Variants in SMARCA2 observed in about 807,000 individuals in gnomAD.
The protein encoded by SMARCA2 is SWI/SNF-related matrix-associated actin-dependent regulator of chromatin subfamily A member 2.
A neutral mutation model predicts 199.8 loss-of-function variants in SMARCA2; 61 were observed. The observed-to-expected ratio is 0.31, with a 90% CI of 0.25 to 0.38. The LOEUF (loss-of-function observed/expected upper bound fraction) is 0.38. Ranked by LOEUF, SMARCA2 falls within the 10% of genes least tolerant of loss-of-function variation. SMARCA2 has a pLI of 1.00. For synonymous variants in SMARCA2, 935 were observed against 732.0 expected, an observed-to-expected ratio of 1.28 and a Z score of -4.48; for missense variants, 1,344 against 2,012.2, an observed-to-expected ratio of 0.67 and a Z score of 6.35.
In SMARCA2 at chr9:2,171,457, TTTATAC is replaced by T. The variant is rs140538815; in HGVS notation, c.4253+996_4253+1001del. 1.4e-3 allele frequency among the ~76,000 whole-genome samples: 207 copies of T among 152,318 alleles called. 3 individuals carry two copies. In the East Asian group the frequency reaches 0.014, roughly 10 times the overall value. Reference sequence around the variant, plus strand: ...TAAGGAGATTAAAAACTAGTGGTGATTTATACTTATACTTATCCATTTTTGTGTGGA... The same window carrying T: ...TAAGGAGATTAAAAACTAGTGGTGATTTATACTTATCCATTTTTGTGTGGA... On this transcript the variant is annotated intron_variant, in intron 29 of 33. Coordinates refer to ENST00000349721, the MANE Select transcript of SMARCA2 (RefSeq NM_003070.5).
rs1826093504 is a variant in SMARCA2 at position 2,169,058 on chromosome 9, A to G, written c.4200-1361A>G. 6.6e-6 allele frequency among the ~76,000 whole-genome samples: 1 copy of G among 152,176 alleles called. No individual in the cohort carries two copies. Among genetic ancestry groups the G allele is most frequent in the Non-Finnish European group, 1.5e-5 (1 of 68,014 alleles). ...CCTTGGTCAGCACCATCATTAGCCCAAGGTCCTAAAAGTGAAATAATGAAG... is the reference window on the plus strand; with the variant it reads ...CCTTGGTCAGCACCATCATTAGCCCGAGGTCCTAAAAGTGAAATAATGAAG... On this transcript the variant is annotated intron_variant, in intron 28 of 33. Coordinates refer to ENST00000349721, the MANE Select transcript of SMARCA2 (RefSeq NM_003070.5). This position sits in a 1 kb window ranked among gnomAD's most constrained non-coding sequence, Gnocchi z 6.5.
chr9:2,192,477 A>AGCTT, intron 33 of SMARCA2: 1 of 563,224 alleles, frequency 1.8e-6, no homozygotes. Flanking sequence ...CACAAACAAT[A>AGCTT]GCTTAGAGGG....
chr9:2,047,081 T>G, intron 4 of SMARCA2, 148 bp from the exon 5 acceptor site: 1 of 473,726 alleles, frequency 2.1e-6, no homozygotes, highest in Non-Finnish European at 2.7e-6. Context: ...CTTCTTGCCC[T>G]CCTTTTTTTT....
At chr9:2,140,383 C>G (rs1824404398) in intron 27 of SMARCA2, among the ~76,000 whole-genome samples, 1 of 152,190 alleles carries the variant, frequency 6.6e-6, no homozygotes, top group Non-Finnish European at 1.5e-5. Context: ...ACTACCGTGT[C>G]AGCATTCCAG....
At chr9:2,124,111 G>A (rs146788752) in intron 27 of SMARCA2, among the ~76,000 whole-genome samples, 174 bp downstream of exon 27, 37 of 152,300 alleles carry the variant, frequency 2.4e-4, no homozygotes, top group African/African-American at 8.2e-4. Context: ...TCATTGTGCT[G>A]TTGCATGAAA....
Position 2,039,226 on chromosome 9 carries a change from T to TAG in SMARCA2, c.356-240_356-239insAG, listed in dbSNP as rs2130244246. Among the ~76,000 whole-genome samples the TAG allele has an allele frequency of 6.6e-6, 1 of 151,894 alleles. No individual in the cohort carries two copies. Among genetic ancestry groups the TAG allele is most frequent in the African/African-American group, 2.4e-5 (1 of 41,362 alleles). On this transcript the variant is annotated intron_variant, in intron 3 of 33. Transcript: ENST00000349721. The surrounding 1 kb of genome is among the most constrained non-coding windows in gnomAD (Gnocchi z 4.8). ...TAAGTAAAATACATTTAAATTAACT[T>TAG]TACCTGCTTTTTTTTTTTTTAACAC...
chr9:2,152,699 A>C (rs1184916063), intron 27 of SMARCA2, among the ~76,000 whole-genome samples: 1 of 152,014 alleles, frequency 6.6e-6, no homozygotes, highest in African/African-American at 2.4e-5. Context: ...TAAAAATATA[A>C]AAATTAGCCA....
chr9:2,158,155 A>C, intron 27 of SMARCA2: 2 of 120,312 alleles, frequency 1.7e-5, no homozygotes, highest in Non-Finnish European at 3.3e-5. Context: ...AGAGAGAAAG[A>C]GGGCCAAAAA....
At position 2,169,514 on chromosome 9, in the gene SMARCA2, C is replaced by T. The variant is rs1426650634; in HGVS notation, c.4200-905C>T. Among the ~76,000 whole-genome samples, 1 of 152,154 alleles carries T rather than the reference C, an allele frequency of 6.6e-6. No individual in the cohort carries two copies. Among genetic ancestry groups the T allele is most frequent in the African/African-American group, 2.4e-5 (1 of 41,438 alleles). ...GAAGCGAGCACATGCGCTTCCACCC[C>T]TCTGTTGATTTGTTTATGGGTTTAT... On this transcript the variant is annotated intron_variant, in intron 28 of 33. Transcript: ENST00000349721. This position sits in a 1 kb window ranked among gnomAD's most constrained non-coding sequence, Gnocchi z 6.5.
intron 9 of SMARCA2, among the ~76,000 whole-genome samples, chr9:2,067,539 G>A (rs1286246293): frequency 2.6e-5 from 4 of 152,196 alleles, no homozygotes; most frequent in African/African-American, 9.7e-5. Context: ...TTGTGACACT[G>A]GATTGTACAT....
At chr9:2,054,479 A>G (rs1408010774) in intron 5 of SMARCA2, 118 bp from the exon 6 acceptor site, 1 of 1,191,610 alleles carries the variant, frequency 8.4e-7, no homozygotes, top group Non-Finnish European at 1.2e-6. Context: ...ATCAACTATC[A>G]GTATCTGGAA....
chr9:2,098,793 A>G (rs1021548182), intron 21 of SMARCA2, among the ~76,000 whole-genome samples: 2 of 152,072 alleles, frequency 1.3e-5, no homozygotes, highest in African/African-American at 4.8e-5. Flanking sequence ...ACAAAACTAC[A>G]AAAATTAGCT....
chr9:2,172,165 C>G (rs544913481), intron 29 of SMARCA2, among the ~76,000 whole-genome samples: 14 of 152,144 alleles, frequency 9.2e-5, no homozygotes, highest in African/African-American at 3.1e-4. Flanking sequence ...TGAATTAACC[C>G]TTTCTTCAGA....
At chr9:2,179,948 G>C (rs939953576) in intron 29 of SMARCA2, among the ~76,000 whole-genome samples, 1 of 152,198 alleles carries the variant, frequency 6.6e-6, no homozygotes, top group African/African-American at 2.4e-5. Flanking sequence ...AAATGTTTGG[G>C]TGTATAAATC....
chr9:2,172,204 G>A (rs1038837259), intron 29 of SMARCA2, among the ~76,000 whole-genome samples: 8 of 151,502 alleles, frequency 5.3e-5, no homozygotes, highest in Non-Finnish European at 1.0e-4. Flanking sequence ...TTGCTTCAGT[G>A]GTCAAAAGAG....
At chr9:2,082,309 GTGTGTGTGTGTGT>G (rs1821602115) in intron 15 of SMARCA2, among the ~76,000 whole-genome samples, 2 of 35,412 alleles carry the variant, frequency 5.6e-5, no homozygotes, top group Non-Finnish European at 1.9e-4. Flanking sequence ...GGGGAAAGGT[GTGTGTGTGTGTGT>G]GTGTGTGTGT....
intron 29 of SMARCA2, among the ~76,000 whole-genome samples, chr9:2,177,558 CTT>C (rs34359993): frequency 6.8e-6 from 1 of 147,038 alleles, no homozygotes; most frequent in Admixed American, 6.8e-5. Context: ...AAGTAGATTT[CTT>C]TTTTTTTTTG....
rs972013127 is a variant in SMARCA2, at chr9:2,144,899, G to A, written c.3982-16787G>A. ...TGGTGCCTGGTGTGTACTCAGAAAG[G>A]GTAATTGCCCACATTTGACTGCATA... On this transcript the variant is annotated intron_variant, in intron 27 of 33. Transcript: ENST00000349721. Among the ~76,000 whole-genome samples the A allele has an allele frequency of 4.6e-5, 7 of 152,108 alleles. No individual in the cohort carries two copies. The South Asian group carries it at 1.5e-3, about 32-fold the overall frequency.
Position 2,182,276 on chromosome 9 carries a change from C to T in SMARCA2, c.4461+34C>T, listed in dbSNP as rs139636031. 165 of 1,262,922 alleles carry T rather than the reference C, an allele frequency of 1.3e-4. No individual in the cohort carries two copies. The East Asian group carries it at 2.7e-3, about 21-fold the overall frequency. The allele number at this position is 1,262,922 out of a possible 1,614,324, so 78.2% of individuals were successfully genotyped here. The stretch of plus-strand genomic sequence containing the variant: ...TGTTAAGTTGTCTAAAAGTTCTTAA[C>T]TGTAAATGTGCCCGTTGTTCTTTTT... On this transcript the variant is annotated intron_variant, in intron 31 of 33. Transcript: ENST00000349721.
Sources: gnomAD v4.1 joint callset for allele counts (sites outside exome capture counted in the v4.1 genomes callset) on GRCh38, gnomAD v4.1.1 for gene constraint, Gnocchi (gnomAD v3.1) non-coding constraint, MANE v1.5 for transcripts, NCBI Gene and HGNC (gene_info 2026-07-23, HGNC 2026-07-21) for gene names.